Variants in PPP2R1B observed in about 807,000 individuals in gnomAD.
The protein encoded by PPP2R1B is serine/threonine-protein phosphatase 2A 65 kDa regulatory subunit A beta isoform.
A neutral mutation model predicts 72.7 loss-of-function variants in PPP2R1B; 58 were observed. The observed-to-expected ratio is 0.80, with a 90% CI of 0.65 to 0.99. The LOEUF is 0.99. Ranked by LOEUF, PPP2R1B falls within the 50% of genes least tolerant of loss-of-function variation. The pLI is 0.00. For missense variants in PPP2R1B, 695 were observed against 733.6 expected, an observed-to-expected ratio of 0.95 and a Z score of 0.61; for synonymous variants, 256 against 264.6, an observed-to-expected ratio of 0.97 and a Z score of 0.32.
chr11:111,731,835 T>C (rs1944203906), intron 15 of PPP2R1B, among the ~76,000 whole-genome samples: 1 of 152,238 alleles, frequency 6.6e-6, no homozygotes. Context: ...CATTTCTTTT[T>C]TAAGGAAAGC....
At chr11:111,702,689 G>A in the PPP2R1B span, among the ~76,000 whole-genome samples, 1 of 152,204 alleles carries the variant, frequency 6.6e-6, no homozygotes, top group South Asian at 2.1e-4. Flanking sequence ...CAGAGAATAT[G>A]CTAGTGCTCA....
the PPP2R1B span, chr11:111,720,389 G>A: frequency 7.5e-7 from 1 of 1,338,404 alleles, no homozygotes. Flanking sequence ...CATGGTAGCT[G>A]TCAAAACTCA....
At chr11:111,719,394 T>TAA in the PPP2R1B span, among the ~76,000 whole-genome samples, 273 of 112,560 alleles carry the variant, frequency 2.4e-3, 4 homozygotes, top group Non-Finnish European at 4.0e-3. Flanking sequence ...GCCAAGTAGT[T>TAA]AAAAAAAAAA....
chr11:111,760,985 T>G lies in PPP2R1B; in HGVS notation c.373A>C (p.Arg125=). 6.2e-7 allele frequency: 1 copy of G among 1,614,204 alleles called. No homozygotes were observed. Among genetic ancestry groups the G allele is most frequent in the Non-Finnish European group, 8.5e-7 (1 of 1,180,032 alleles). Residue 125 remains arginine, a synonymous_variant, in exon 4 of 15, where the codon AGA becomes CGA. Coordinates refer to ENST00000527614, the MANE Select transcript of PPP2R1B (RefSeq NM_002716.5). ...VVRDKAVESL[R]QISQEHTPVA... ...GGAGTATGCTCCTGGGAGATCTGTC[T>G]CAGGGACTCCACAGCCTTGTCACGA...
chr11:111,752,283 T>C lies in PPP2R1B; in HGVS notation c.1214A>G (p.Glu405Gly). ...AGAGAGCTGACGGATTCCAATCACT[T>C]CATTTACACAATCCAAATTGGAGAT... ...NIISNLDCVNEVIGIRQLSQS... is the reference protein window; with the variant it reads ...NIISNLDCVNGVIGIRQLSQS... The change falls in exon 10 of 15, where the codon GAA becomes GGA. Residue 405 changes from glutamate to glycine, a missense_variant. Physicochemically the swap from Glu to Gly is moderately conservative, Grantham distance 98. Transcript: ENST00000527614. 2.0e-5 allele frequency: 33 copies of C among 1,613,936 alleles called. No homozygotes were observed. The highest frequency in any genetic ancestry group is 2.8e-5 in the Non-Finnish European group (33 of 1,179,960).
At chr11:111,703,600 T>C in the PPP2R1B span, among the ~76,000 whole-genome samples, 1 of 152,230 alleles carries the variant, frequency 6.6e-6, no homozygotes, top group Admixed American at 6.5e-5. Context: ...GCATCTTAAA[T>C]TCCTTTCTTT....
chr11:111,735,769 C>G (rs1303588683), downstream of PPP2R1B, among the ~76,000 whole-genome samples: 1 of 152,196 alleles, frequency 6.6e-6, no homozygotes, highest in Non-Finnish European at 1.5e-5. Context: ...GCAGCGCGCT[C>G]ACGCTCACCC....
At chr11:111,722,611 G>A, downstream of PPP2R1B, 1 of 1,531,092 alleles carries the variant, frequency 6.5e-7, no homozygotes, top group Non-Finnish European at 9.0e-7. This position sits in a 1 kb window ranked among gnomAD's most constrained non-coding sequence, Gnocchi z 4.4. Flanking sequence ...TCTGATGACT[G>A]CATCCTAGGT....
At chr11:111,690,940 A>G in the PPP2R1B span, among the ~76,000 whole-genome samples, 2 of 152,152 alleles carry the variant, frequency 1.3e-5, no homozygotes, top group African/African-American at 4.8e-5. Flanking sequence ...GTGTTCTAGG[A>G]GTTTTTTTAG....
chr11:111,692,811 T>C, the PPP2R1B span, among the ~76,000 whole-genome samples: 1 of 151,866 alleles, frequency 6.6e-6, no homozygotes, highest in African/African-American at 2.4e-5. Context: ...TATACTTTTT[T>C]CTGGGTTTTT....
At chr11:111,758,136 A>G (rs782449527) in intron 5 of PPP2R1B, among the ~76,000 whole-genome samples, 4 of 152,264 alleles carry the variant, frequency 2.6e-5, no homozygotes, top group Non-Finnish European at 4.4e-5. Flanking sequence ...CACTCAAATA[A>G]TAAGATTTTG....
the PPP2R1B span, among the ~76,000 whole-genome samples, chr11:111,694,366 A>G: frequency 6.6e-6 from 1 of 152,196 alleles, no homozygotes; most frequent in East Asian, 1.9e-4. Context: ...AAATGTAATT[A>G]GTATTGTATA....
chr11:111,738,021 G>A lies in PPP2R1B; in HGVS notation c.*3575C>T. 9.9e-7 allele frequency: 1 copy of A among 1,009,224 alleles called. No individual in the cohort carries two copies. Among genetic ancestry groups the A allele is most frequent in the Admixed American group, 5.2e-5 (1 of 19,314 alleles). 62.5% of individuals were successfully genotyped at this position (1,009,224 alleles called of 1,614,324 possible). ...TTATGTAATTTCCTGGAAACAGCAG[G>A]CTCGTGGAGGCAAACGGGGGACAGT... is the stretch of plus-strand genomic sequence containing the variant. On this transcript the variant is annotated 3_prime_UTR_variant, in exon 15 of 15. Coordinates refer to ENST00000527614, the MANE Select transcript of PPP2R1B (RefSeq NM_002716.5).
chr11:111,759,364 C>T (rs1555050567), intron 5 of PPP2R1B, among the ~76,000 whole-genome samples: 3 of 152,260 alleles, frequency 2.0e-5, no homozygotes, highest in African/African-American at 7.2e-5. Context: ...GAATTGAATA[C>T]GATTATGTGA....
chr11:111,703,084 C>A, the PPP2R1B span: 1 of 806,436 alleles, frequency 1.2e-6, no homozygotes, highest in Non-Finnish European at 2.0e-6. Flanking sequence ...ATTTGACCTT[C>A]TGCTTTCCAG....
chr11:111,712,148 C>T, the PPP2R1B span: 4 of 1,454,156 alleles, frequency 2.8e-6, no homozygotes, highest in Non-Finnish European at 3.8e-6. Flanking sequence ...ATTCTTAGAA[C>T]TTTGTGTATT....
chr11:111,735,893 A>G (rs777238667), downstream of PPP2R1B, among the ~76,000 whole-genome samples: 2 of 152,166 alleles, frequency 1.3e-5, no homozygotes, highest in Non-Finnish European at 1.5e-5. Context: ...CTGGCCCCTG[A>G]CACACAGGGC....
At chr11:111,716,587 G>C in the PPP2R1B span, among the ~76,000 whole-genome samples, 120 of 149,880 alleles carry the variant, frequency 8.0e-4, no homozygotes, top group Non-Finnish European at 1.5e-3. Context: ...ACCAAAAAAA[G>C]AAAAAAGAAG....
intron 3 of PPP2R1B, chr11:111,761,369 A>G (rs1565478967): frequency 2.4e-6 from 1 of 423,626 alleles, no homozygotes; most frequent in East Asian, 5.8e-5. Flanking sequence ...TAAAAGATAC[A>G]TAGCCAAATT....
Sources: gnomAD v4.1 joint callset for allele counts (sites outside exome capture counted in the v4.1 genomes callset) on GRCh38, gnomAD v4.1.1 for gene constraint, Gnocchi (gnomAD v3.1) non-coding constraint, MANE v1.5 for transcripts, NCBI Gene and HGNC (gene_info 2026-07-23, HGNC 2026-07-21) for gene names.